The following NECTIN2 variants were observed in gnomAD, a reference collection of about 807,000 sequenced individuals.
NECTIN2 encodes nectin-2.
A neutral mutation model predicts 56.9 loss-of-function variants in NECTIN2; 23 were observed. The observed-to-expected ratio is 0.40, with a 90% confidence interval of 0.29 to 0.57. The LOEUF is 0.57. NECTIN2 is among the 20% of genes least tolerant of loss of function. NECTIN2 has a pLI of 0.38. For missense variants in NECTIN2, 587 were observed against 718.3 expected (o/e 0.82, Z 2.09); for synonymous variants, 302 against 313.8 (o/e 0.96, Z 0.40).
At chr19:44,879,430 C>T (rs1448429388) in intron 5 of NECTIN2, among the ~76,000 whole-genome samples, 1 of 152,000 alleles carries the variant, frequency 6.6e-6, no homozygotes, top group African/African-American at 2.4e-5. Context: ...GAGGGGAGGG[C>T]TGCTCCCCAC....
At chr19:44,881,150 C>T (rs1421536949) in intron 5 of NECTIN2, among the ~76,000 whole-genome samples, 1 of 151,940 alleles carries the variant, frequency 6.6e-6, no homozygotes, top group African/African-American at 2.4e-5. Context: ...TTGAACAATC[C>T]GCCCGCCTCG....
At chr19:44,854,216 C>T (rs1185943496) in intron 1 of NECTIN2, among the ~76,000 whole-genome samples, 5 of 151,910 alleles carry the variant, frequency 3.3e-5, no homozygotes, top group Non-Finnish European at 5.9e-5. Flanking sequence ...AGCGACTCTC[C>T]CTAAAGTAGC....
At chr19:44,863,343 C>T (rs1969055961) in intron 1 of NECTIN2, among the ~76,000 whole-genome samples, 1 of 151,860 alleles carries the variant, frequency 6.6e-6, no homozygotes, top group South Asian at 2.1e-4. Flanking sequence ...GTGGCACATG[C>T]CTGCAGTCCC....
intron 2 of NECTIN2, among the ~76,000 whole-genome samples, chr19:44,868,119 T>C (rs945543084): frequency 2.6e-5 from 4 of 151,786 alleles, no homozygotes; most frequent in Non-Finnish European, 5.9e-5. Flanking sequence ...CCCAGCACTT[T>C]AGGAGGCCAA....
chr19:44,860,230 A>G (rs542173205), intron 1 of NECTIN2, among the ~76,000 whole-genome samples: 1 of 152,330 alleles, frequency 6.6e-6, no homozygotes, highest in Admixed American at 6.5e-5. Context: ...TTAGGGAATT[A>G]TAAAAATGCC....
chr19:44,888,306 C>T lies in NECTIN2; in HGVS notation c.1544C>T (p.Ala515Val). Residue 515 changes from alanine to valine, a missense_variant, in exon 9 of 9, where the codon GCT (alanine) becomes GTT (valine). Coordinates refer to ENST00000252483, the MANE Select transcript of NECTIN2 (RefSeq NM_001042724.2). ...YLDKINPIYD[A>V]LSYSSPSDSY... Reference sequence around the variant, plus strand: ...GACAAGATCAACCCCATCTATGATGCTCTGTCCTATAGCAGCCCCTCTGAT... The same window carrying T: ...GACAAGATCAACCCCATCTATGATGTTCTGTCCTATAGCAGCCCCTCTGAT... 6.2e-7 allele frequency: 1 copy of T among 1,613,976 alleles called. No homozygotes were observed. Among genetic ancestry groups the T allele is most frequent in the East Asian group, 2.2e-5 (1 of 44,872 alleles).
At chr19:44,863,035 G>A (rs1175821095) in intron 1 of NECTIN2, among the ~76,000 whole-genome samples, 3 of 150,936 alleles carry the variant, frequency 2.0e-5, no homozygotes, top group Non-Finnish European at 3.0e-5. Context: ...GGTAGTGTGC[G>A]CCTGTAATCC....
intron 6 of NECTIN2, among the ~76,000 whole-genome samples, chr19:44,882,581 C>T (rs1385985283): frequency 1.3e-5 from 2 of 150,076 alleles, no homozygotes; most frequent in Non-Finnish European, 2.9e-5. Flanking sequence ...GGCACAGTGG[C>T]TTACACCTGC....
Position 44,872,146 on chromosome 19 carries a change from C to A in NECTIN2, c.772C>A (p.Arg258Ser), listed in dbSNP as rs768454344. Reference protein sequence around the residue: ...PALIPVTLSVRYPPEVSISGY... With the variant: ...PALIPVTLSVSYPPEVSISGY... The stretch of plus-strand genomic sequence containing the variant: ...CCTGATACCTGTGACCCTCTCTGTA[C>A]GCTGTGAGTGTATCGGGGGTGACCC... Residue 258 changes from arginine to serine, a missense_variant, in exon 3 of 9, where the codon CGC becomes AGC. By Grantham distance (110) the Arg-to-Ser change is moderately radical (BLOSUM62 -1). Coordinates refer to ENST00000252483, the MANE Select transcript of NECTIN2 (RefSeq NM_001042724.2). 1 of 1,612,256 alleles carries A rather than the reference C, an allele frequency of 6.2e-7. No individual in the cohort carries two copies. Among genetic ancestry groups the A allele is most frequent in the South Asian group, 1.1e-5 (1 of 91,064 alleles).
Position 44,886,884 on chromosome 19 carries a change from T to C in NECTIN2, c.1347+665T>C, listed in dbSNP as rs150906634. On this transcript the variant is annotated intron_variant, in intron 8 of 8. Coordinates refer to ENST00000252483, the MANE Select transcript of NECTIN2 (RefSeq NM_001042724.2). ...GGGCTACCCAGCAACATTTTGCGTCTACAAAAATACTGAATTTACCTGGAT... is the reference window on the plus strand; with the variant it reads ...GGGCTACCCAGCAACATTTTGCGTCCACAAAAATACTGAATTTACCTGGAT... Among the ~76,000 whole-genome samples the C allele has an allele frequency of 3.2e-4, 49 of 152,064 alleles. No homozygotes were observed. In the East Asian group the frequency reaches 9.5e-3, roughly 29 times the overall value.
Position 44,874,067 on chromosome 19 carries a change from G to A in NECTIN2, c.893+34G>A, listed in dbSNP as rs776695886. On this transcript the variant is annotated intron_variant, in intron 4 of 8. Coordinates refer to ENST00000252483, the MANE Select transcript of NECTIN2 (RefSeq NM_001042724.2). This position sits in a 1 kb window ranked among gnomAD's most constrained non-coding sequence, Gnocchi z 6.3. Reference sequence around the variant, plus strand: ...CGTGGTCTCAGAACCCTGGGTCTGAGGGAGGCGGGGCTGGGGGCCTGGACT... The same window carrying A: ...CGTGGTCTCAGAACCCTGGGTCTGAAGGAGGCGGGGCTGGGGGCCTGGACT... The A allele has an allele frequency of 1.2e-5, 18 of 1,554,174 alleles. No individual in the cohort carries two copies. The highest frequency in any genetic ancestry group is 1.4e-5 in the Non-Finnish European group (16 of 1,129,458).
At chr19:44,871,347 C>G (rs1469354916) in intron 2 of NECTIN2, among the ~76,000 whole-genome samples, 1 of 152,032 alleles carries the variant, frequency 6.6e-6, no homozygotes, top group East Asian at 1.9e-4. Context: ...GGCAACATAG[C>G]AAGAACTCAT....
At chr19:44,873,839 T>C in intron 3 of NECTIN2, 77 bp from the exon 4 acceptor site, 1 of 1,106,084 alleles carries the variant, frequency 9.0e-7, no homozygotes, top group Admixed American at 1.8e-5. Context: ...TTCTTTAGCA[T>C]TCCTGTCTAT....
intron 1 of NECTIN2, among the ~76,000 whole-genome samples, chr19:44,864,011 T>TC (rs1555786367): frequency 4.0e-5 from 2 of 50,434 alleles, no homozygotes; most frequent in East Asian, 1.5e-3. Flanking sequence ...TTTCAGAGGA[T>TC]TCCCCCCCCC....
chr19:44,880,203 C>T (rs1344581136), intron 5 of NECTIN2, among the ~76,000 whole-genome samples: 4 of 152,140 alleles, frequency 2.6e-5, no homozygotes, highest in African/African-American at 4.8e-5. Context: ...CCCGGACAAC[C>T]GGAGGGCAGG....
intron 5 of NECTIN2, among the ~76,000 whole-genome samples, chr19:44,876,869 G>C (rs419925): frequency 0.34 from 51,474 of 151,898 alleles, 9,417 homozygotes; most frequent in East Asian, 0.69. Flanking sequence ...GTATGAGCCA[G>C]CACACTAAGC....
chr19:44,857,196 C>G (rs1968974735), intron 1 of NECTIN2, among the ~76,000 whole-genome samples: 1 of 151,658 alleles, frequency 6.6e-6, no homozygotes, highest in Admixed American at 6.6e-5. Flanking sequence ...TTCAAGTTGC[C>G]CCAAATAAAC....
chr19:44,859,943 T>C (rs1272418020), intron 1 of NECTIN2, among the ~76,000 whole-genome samples: 2 of 151,984 alleles, frequency 1.3e-5, no homozygotes, highest in East Asian at 3.9e-4. Context: ...AGCCAAAAAG[T>C]TGAAACAACC....
chr19:44,868,640 G>A (rs925427699), intron 2 of NECTIN2, among the ~76,000 whole-genome samples: 29 of 151,784 alleles, frequency 1.9e-4, no homozygotes, highest in Admixed American at 8.5e-4. Flanking sequence ...GAGGCTGGGC[G>A]TGGTGGCTCA....
Sources: allele counts gnomAD v4.1 joint callset (sites outside exome capture counted in the v4.1 genomes callset), GRCh38; gene constraint gnomAD v4.1.1; non-coding constraint Gnocchi (gnomAD v3.1); transcripts MANE v1.5; gene names NCBI Gene and HGNC (gene_info 2026-07-23, HGNC 2026-07-21).